Variants in SHANK2 observed in about 807,000 individuals in gnomAD.
SHANK2 encodes the protein SH3 and multiple ankyrin repeat domains 2, also known as SH3 and multiple ankyrin repeat domains protein 2.
In SHANK2, 43 loss-of-function variants were observed where a neutral mutation model predicts 133.7. The observed-to-expected ratio is 0.32, with a 90% CI of 0.25 to 0.41. The LOEUF (loss-of-function observed/expected upper bound fraction) is 0.41, where lower values mean the gene tolerates loss of function less well. SHANK2 is among the 10% of genes least tolerant of loss of function. SHANK2 has a pLI of 1.00. For synonymous variants in SHANK2, 1,017 were observed against 952.8 expected (o/e 1.07, Z -1.24); for missense variants, 1,994 against 2,235.8 (o/e 0.89, Z 2.18).
intron 17 of SHANK2, among the ~76,000 whole-genome samples, chr11:70,536,462 T>C (rs1389992539): frequency 1.3e-5 from 2 of 152,032 alleles, no homozygotes; most frequent in African/African-American, 4.8e-5. Flanking sequence ...TGGCGAGCTG[T>C]CCCCATGAGG....
intron 14 of SHANK2, among the ~76,000 whole-genome samples, chr11:70,718,372 C>T (rs372771911): frequency 7.2e-5 from 11 of 152,336 alleles, no homozygotes; most frequent in South Asian, 4.1e-4. Context: ...GAAGGAACTG[C>T]GCCTCGGTGG....
chr11:70,591,987 C>T (rs1050344500), intron 17 of SHANK2, among the ~76,000 whole-genome samples: 13 of 151,796 alleles, frequency 8.6e-5, no homozygotes, highest in African/African-American at 2.2e-4. Context: ...CATCCAAGAT[C>T]GCGCCATCGC....
chr11:70,517,594 G>C (rs1480052727), intron 17 of SHANK2, among the ~76,000 whole-genome samples: 3 of 152,166 alleles, frequency 2.0e-5, no homozygotes, highest in Non-Finnish European at 4.4e-5. Flanking sequence ...GTTGCTAAGT[G>C]AAAGAAGCCA....
chr11:70,712,867 C>A (rs782551131), intron 14 of SHANK2, among the ~76,000 whole-genome samples: 8 of 152,238 alleles, frequency 5.3e-5, no homozygotes, highest in Non-Finnish European at 1.2e-4. Flanking sequence ...TCAGCACCAA[C>A]AAGCACCCGA....
intron 2 of SHANK2, among the ~76,000 whole-genome samples, chr11:71,148,744 C>T (rs549908665): frequency 1.3e-5 from 2 of 152,304 alleles, no homozygotes; most frequent in South Asian, 4.2e-4. Context: ...AATGAATGAA[C>T]CCAAGCTACA....
At chr11:70,507,327 A>G (rs1163518928) in intron 17 of SHANK2, among the ~76,000 whole-genome samples, 1 of 152,210 alleles carries the variant, frequency 6.6e-6, no homozygotes, top group Non-Finnish European at 1.5e-5. Context: ...AACTCTGCAC[A>G]TTGCTGGTCT....
At chr11:71,065,762 TGGCG>T (rs1951046101) in intron 9 of SHANK2, among the ~76,000 whole-genome samples, 1 of 91,652 alleles carries the variant, frequency 1.1e-5, no homozygotes, top group African/African-American at 4.5e-5. Flanking sequence ...GAGCAGTGAG[TGGCG>T]AAGTTGGGGA....
At chr11:71,213,877 C>T (rs1274605248) in intron 2 of SHANK2, among the ~76,000 whole-genome samples, 1 of 152,224 alleles carries the variant, frequency 6.6e-6, no homozygotes, top group Non-Finnish European at 1.5e-5. Context: ...CCGCCCCTTC[C>T]AGAGCTGGCT....
intron 17 of SHANK2, among the ~76,000 whole-genome samples, chr11:70,503,249 G>A (rs146748219): frequency 5.3e-5 from 8 of 152,266 alleles, no homozygotes; most frequent in African/African-American, 1.7e-4. Context: ...GCATCCTTAG[G>A]TGCTTACTTT....
chr11:70,576,295 C>A (rs2060115135), intron 17 of SHANK2, among the ~76,000 whole-genome samples: 1 of 152,106 alleles, frequency 6.6e-6, no homozygotes, highest in African/African-American at 2.4e-5. Flanking sequence ...GCGGCTGCGG[C>A]AGACCCCATG....
intron 17 of SHANK2, among the ~76,000 whole-genome samples, chr11:70,509,582 G>A (rs1293991765): frequency 1.3e-5 from 2 of 152,094 alleles, no homozygotes; most frequent in Non-Finnish European, 2.9e-5. Flanking sequence ...CCCTCACCCT[G>A]TCTTTCAGCT....
At position 71,156,843 on chromosome 11, in the gene SHANK2, C is replaced by T. The variant is rs571518355; in HGVS notation, c.-12-9505G>A. On this transcript the variant is annotated intron_variant, in intron 2 of 25. Transcript: ENST00000601538. ...CCTGGGGCTCATAAACAATCTCCCA[C>T]AACAGGAAGAGAAGCTATGGTCTGA... 2.0e-5 allele frequency among the ~76,000 whole-genome samples: 3 copies of T among 152,328 alleles called. No homozygotes were observed. The South Asian group carries it at 6.2e-4, about 32-fold the overall frequency.
intron 17 of SHANK2, among the ~76,000 whole-genome samples, chr11:70,611,926 G>A (rs1554994331): frequency 7.6e-6 from 1 of 131,146 alleles, no homozygotes; most frequent in East Asian, 2.6e-4. Flanking sequence ...GGAACGAGAA[G>A]CCTCGTTCCA....
chr11:71,153,885 G>A (rs1450829584), intron 2 of SHANK2, among the ~76,000 whole-genome samples: 3 of 152,106 alleles, frequency 2.0e-5, no homozygotes, highest in East Asian at 1.9e-4. Flanking sequence ...CAGGAGAATC[G>A]CTTGAACTTG....
At chr11:71,057,064 G>A (rs1412217090) in intron 9 of SHANK2, among the ~76,000 whole-genome samples, 2 of 152,174 alleles carry the variant, frequency 1.3e-5, no homozygotes, top group Non-Finnish European at 2.9e-5. Flanking sequence ...GCCATGCGCA[G>A]TAGCTCACAC....
At chr11:70,827,481 A>G (rs1948660421) in intron 11 of SHANK2, among the ~76,000 whole-genome samples, 1 of 152,002 alleles carries the variant, frequency 6.6e-6, no homozygotes, top group Admixed American at 6.5e-5. Context: ...AACACAGAGA[A>G]GTGGATGCAG....
intron 2 of SHANK2, among the ~76,000 whole-genome samples, chr11:71,171,718 G>A (rs968898799): frequency 1.3e-5 from 2 of 152,038 alleles, no homozygotes; most frequent in Non-Finnish European, 2.9e-5. Context: ...ACACAGACAC[G>A]CCCACGATAA....
Position 71,120,756 on chromosome 11 carries a change from G to A in SHANK2, c.208-1724C>T, listed in dbSNP as rs115107451. On this transcript the variant is annotated intron_variant, in intron 3 of 25. Coordinates refer to ENST00000601538, the MANE Select transcript of SHANK2 (RefSeq NM_012309.5). ...AAACTCCTGGCACAAGAAACAAGCT[G>A]TATCAGGTGTGACCAGGTGGGGCCG... is the stretch of plus-strand genomic sequence containing the variant. 5.0e-3 allele frequency among the ~76,000 whole-genome samples: 757 copies of A among 152,302 alleles called. 4 individuals are homozygous for A. Among genetic ancestry groups the A allele is most frequent in the African/African-American group, 0.018 (736 of 41,556 alleles).
intron 11 of SHANK2, among the ~76,000 whole-genome samples, chr11:70,824,504 G>A (rs981117402): frequency 2.0e-5 from 3 of 152,212 alleles, no homozygotes; most frequent in Middle Eastern, 3.4e-3. Context: ...CAGGCTGGCC[G>A]GGGAGAGACA....
Sources: gnomAD v4.1 joint callset for allele counts (sites outside exome capture counted in the v4.1 genomes callset) on GRCh38, gnomAD v4.1.1 for gene constraint, MANE v1.5 for transcripts, NCBI Gene and HGNC (gene_info 2026-07-23, HGNC 2026-07-21) for gene names.